The following RPS6KA1 variants were observed in gnomAD, a reference collection of about 807,000 sequenced individuals.
RPS6KA1 encodes the protein ribosomal protein S6 kinase alpha-1.
RPS6KA1 carries 48 observed loss-of-function variants against 91.3 expected under a neutral mutation model. The observed-to-expected ratio is 0.53, with a 90% CI of 0.42 to 0.67. The LOEUF is 0.67. Among genes scored for constraint, RPS6KA1 ranks in the 30% least tolerant of loss-of-function variants. The probability of loss-of-function intolerance (pLI) is 0.00; values close to 1 mark genes in which losing one functional copy is unlikely to be tolerated. For missense variants in RPS6KA1, 719 were observed against 960.5 expected (o/e 0.75, Z 3.32); for synonymous variants, 359 against 384.7 (o/e 0.93, Z 0.78).
At chr1:26,572,523 G>A (rs1221137569) in intron 20 of RPS6KA1, among the ~76,000 whole-genome samples, 5 of 152,016 alleles carry the variant, frequency 3.3e-5, no homozygotes, top group Non-Finnish European at 7.4e-5. Flanking sequence ...GGACCCTGTG[G>A]GGCACTGAGG....
intron 17 of RPS6KA1, among the ~76,000 whole-genome samples, chr1:26,570,860 C>T (rs961815797): frequency 3.9e-5 from 6 of 152,176 alleles, no homozygotes; most frequent in African/African-American, 7.2e-5. Context: ...TGGTGGCTCA[C>T]GCCTGTAATC....
At chr1:26,546,156 G>C in intron 2 of RPS6KA1, 1 of 1,143,302 alleles carries the variant, frequency 8.7e-7, no homozygotes, top group South Asian at 1.5e-5. Flanking sequence ...CCTGCAGGGT[G>C]ACTGGACCCT....
rs966860517 is a variant in RPS6KA1, at chr1:26,572,027, G to T, written c.1829+102G>T. 5 of 1,381,604 alleles carry T rather than the reference G, an allele frequency of 3.6e-6. 1 individual carries two copies. In the Admixed American group the frequency reaches 7.1e-5, roughly 20 times the overall value. The allele number at this position is 1,381,604 out of a possible 1,614,324, so 85.6% of individuals were successfully genotyped here. A position where few individuals can be genotyped will look rare whatever the true frequency, so the allele number is the denominator to read the frequency against. ...AATGGCTCAGCCAGCCCCGCCCCAGGATGGTCTGGAAATAGGGACATGCTC... is the reference window on the plus strand; with the variant it reads ...AATGGCTCAGCCAGCCCCGCCCCAGTATGGTCTGGAAATAGGGACATGCTC... On this transcript the variant is annotated intron_variant, in intron 19 of 21. Transcript: ENST00000374168.
intron 1 of RPS6KA1, 130 bp downstream of exon 1, chr1:26,530,113 G>A (rs1158264353): frequency 2.1e-6 from 1 of 486,698 alleles, no homozygotes; most frequent in Non-Finnish European, 3.1e-6. Flanking sequence ...CCGATCTCTT[G>A]CCCACTGTCC....
At position 26,572,233 on chromosome 1, in the gene RPS6KA1, C is replaced by T. The variant is rs1422799331; in HGVS notation, c.1887C>T (p.Ile629=). 4.3e-6 allele frequency: 7 copies of T among 1,613,824 alleles called. No individual in the cohort carries two copies. The highest frequency in any genetic ancestry group is 2.2e-5 in the South Asian group (2 of 91,074). ...CACCAGAGGAAATCCTAACCCGGAT[C>T]GGCAGTGGGAAGTTTACCCTCAGTG... ...SDTPEEILTR[I]GSGKFTLSGG... Residue 629 remains isoleucine, a synonymous_variant, in exon 20 of 22, where the codon ATC becomes ATT. Transcript: ENST00000374168.
chr1:26,554,514 G>A lies in RPS6KA1; in HGVS notation c.614-82G>A. The A allele has an allele frequency of 6.5e-7, 1 of 1,530,620 alleles. No homozygotes were observed. The highest frequency in any genetic ancestry group is 1.3e-5 in the South Asian group (1 of 79,944). 94.8% of individuals were successfully genotyped at this position (1,530,620 alleles called of 1,614,324 possible). A position where few individuals can be genotyped will look rare whatever the true frequency, so the allele number is the denominator to read the frequency against. ...TGGGGGTGATGCCTTCTGGCCTCTG[G>A]GCACGGGGGTTGGGTGTGCAAAGGG... On this transcript the variant is annotated intron_variant, in intron 8 of 21. Transcript: ENST00000374168. This position sits in a 1 kb window ranked among gnomAD's most constrained non-coding sequence, Gnocchi z 4.6.
chr1:26,546,535 G>A (rs1436845645), intron 2 of RPS6KA1, among the ~76,000 whole-genome samples: 1 of 152,220 alleles, frequency 6.6e-6, no homozygotes, highest in Non-Finnish European at 1.5e-5. Flanking sequence ...AACAACAGGG[G>A]GAGGGAAGCC....
intron 2 of RPS6KA1, among the ~76,000 whole-genome samples, chr1:26,542,745 G>A (rs998467680): frequency 6.6e-6 from 1 of 152,160 alleles, no homozygotes; most frequent in Non-Finnish European, 1.5e-5. Context: ...ATGCTATGGA[G>A]GGGTGGGACA....
chr1:26,547,290 T>G lies in RPS6KA1; in HGVS notation c.307+20T>G. 6.2e-7 allele frequency: 1 copy of G among 1,605,010 alleles called. No homozygotes were observed. On this transcript the variant is annotated intron_variant, in intron 4 of 21. Transcript: ENST00000374168. This position sits in a 1 kb window ranked among gnomAD's most constrained non-coding sequence, Gnocchi z 4.1. ...TGAAAGGTGAGTGGGGACACCTCCC[T>G]GTGCAGAACCCAGGCTTGGCTGAGG...
chr1:26,542,007 G>T (rs1252780191), intron 2 of RPS6KA1, among the ~76,000 whole-genome samples: 1 of 152,156 alleles, frequency 6.6e-6, no homozygotes, highest in Non-Finnish European at 1.5e-5. Context: ...TCCTCCCCCC[G>T]CCCGCCACCA....
intron 1 of RPS6KA1, among the ~76,000 whole-genome samples, chr1:26,534,851 G>T (rs940074179): frequency 4.6e-5 from 7 of 152,168 alleles, no homozygotes; most frequent in Admixed American, 3.3e-4. Context: ...GAAGATGATG[G>T]CCTTGATTTC....
intron 1 of RPS6KA1, among the ~76,000 whole-genome samples, chr1:26,530,245 C>G (rs2075858441): frequency 6.6e-6 from 1 of 152,230 alleles, no homozygotes; most frequent in African/African-American, 2.4e-5. Flanking sequence ...GTCGCCTTCA[C>G]CCCACACCTA....
At chr1:26,536,104 C>T (rs1007379538) in intron 1 of RPS6KA1, among the ~76,000 whole-genome samples, 1 of 143,704 alleles carries the variant, frequency 7.0e-6, no homozygotes, top group African/African-American at 2.6e-5. Flanking sequence ...CAGTGAGCTG[C>T]GATTGCACTA....
Position 26,558,780 on chromosome 1 carries a change from C to CCTCACATT in RPS6KA1, c.1085-23_1085-16dup, listed in dbSNP as rs533156144. The CCTCACATT allele has an allele frequency of 2.1e-3, 3,317 of 1,585,340 alleles. 97 individuals are homozygous for CCTCACATT. In the Admixed American group the frequency reaches 0.046, roughly 22 times the overall value. ...GGGTCGAGGGGACCTCCTCAGGTAC[C>CCTCACATT]CTCACATTCTCCTTCCATCCGTACA... On this transcript the variant is annotated intron_variant, in intron 13 of 21. Coordinates refer to ENST00000374168, the MANE Select transcript of RPS6KA1 (RefSeq NM_002953.4). The surrounding 1 kb of genome is among the most constrained non-coding windows in gnomAD (Gnocchi z 4.0).
At chr1:26,537,821 G>A (rs2075917476) in intron 2 of RPS6KA1, among the ~76,000 whole-genome samples, 1 of 152,218 alleles carries the variant, frequency 6.6e-6, no homozygotes, top group African/African-American at 2.4e-5. Flanking sequence ...CTGAGTCTCA[G>A]TTTCCTGAGC....
intron 17 of RPS6KA1, among the ~76,000 whole-genome samples, chr1:26,570,247 GGCCCAGGCAGGAGGATCACTTGA>G (rs1279454717): frequency 6.6e-6 from 1 of 152,148 alleles, no homozygotes; most frequent in Non-Finnish European, 1.5e-5. Context: ...CACTTTGAGA[GGCCCAGGCAGGAGGATCACTTGA>G]GCCCAGGGGT....
intron 19 of RPS6KA1, 114 bp downstream of exon 19, chr1:26,572,039 A>G (rs534053013): frequency 7.5e-7 from 1 of 1,329,802 alleles, no homozygotes; most frequent in African/African-American, 1.4e-5. Flanking sequence ...TGGTCTGGAA[A>G]TAGGGACATG....
intron 20 of RPS6KA1, 114 bp downstream of exon 20, chr1:26,572,407 T>C (rs2076257263): frequency 1.4e-6 from 1 of 712,678 alleles, no homozygotes; most frequent in Non-Finnish European, 2.5e-6. Flanking sequence ...GTTCCACAAA[T>C]CCCTGTTGCT....
At chr1:26,535,665 G>C (rs1487845216) in intron 1 of RPS6KA1, among the ~76,000 whole-genome samples, 2 of 152,234 alleles carry the variant, frequency 1.3e-5, no homozygotes, top group South Asian at 2.1e-4. Flanking sequence ...TGACCAGAGG[G>C]GGGCTCTGGG....
Sources: allele counts gnomAD v4.1 joint callset (sites outside exome capture counted in the v4.1 genomes callset), GRCh38; gene constraint gnomAD v4.1.1; non-coding constraint Gnocchi (gnomAD v3.1); transcripts MANE v1.5; gene names NCBI Gene and HGNC (gene_info 2026-07-23, HGNC 2026-07-21).